SYNDIG1L: variants seen among roughly 807,000 people sequenced by gnomAD.
The protein encoded by SYNDIG1L is synapse differentiation inducing 1 like.
In SYNDIG1L, 13 loss-of-function variants were observed where a neutral mutation model predicts 20.1. The observed-to-expected ratio is 0.65, with a 90% CI of 0.42 to 1.03. The LOEUF (loss-of-function observed/expected upper bound fraction) is 1.03. Among genes scored for constraint, SYNDIG1L ranks in the 50% least tolerant of loss-of-function variants. SYNDIG1L has a pLI of 0.00. For missense variants in SYNDIG1L, 294 were observed against 305.1 expected, an observed-to-expected ratio of 0.96 and a Z score of 0.27; for synonymous variants, 128 against 129.3, an observed-to-expected ratio of 0.99 and a Z score of 0.07.
intron 1 of SYNDIG1L, among the ~76,000 whole-genome samples, chr14:74,423,568 C>T (rs1345710108): frequency 2.0e-5 from 3 of 152,138 alleles, no homozygotes; most frequent in African/African-American, 7.2e-5. Flanking sequence ...TCGGCGAGGT[C>T]ACTGGCATGG....
At chr14:74,457,270 G>T in the SYNDIG1L span, among the ~76,000 whole-genome samples, 1 of 151,936 alleles carries the variant, frequency 6.6e-6, no homozygotes, top group African/African-American at 2.4e-5. Context: ...TTGCTCCCAG[G>T]CCTCCTTTCC....
chr14:74,423,167 G>A (rs730384), intron 1 of SYNDIG1L, among the ~76,000 whole-genome samples: 59,421 of 151,936 alleles, frequency 0.39, 11,951 homozygotes, highest in Non-Finnish European at 0.44. Flanking sequence ...GGGAACAAGA[G>A]GGGAACACAG....
the SYNDIG1L span, among the ~76,000 whole-genome samples, chr14:74,434,048 A>G: frequency 2.6e-5 from 4 of 152,216 alleles, no homozygotes; most frequent in African/African-American, 9.7e-5. Flanking sequence ...AGGTTACAAA[A>G]TTGCACATAT....
rs2086112804 is a variant in SYNDIG1L, at chr14:74,409,495, C to T, written c.250G>A (p.Ala84Thr). 2.5e-6 allele frequency: 4 copies of T among 1,611,868 alleles called. No homozygotes were observed. The highest frequency in any genetic ancestry group is 3.4e-6 in the Non-Finnish European group (4 of 1,179,014). The change falls in exon 2 of 4, where the codon GCA (alanine) becomes ACA (threonine). Residue 84 changes from alanine (A) to threonine (T), a missense_variant. Coordinates refer to ENST00000331628, the MANE Select transcript of SYNDIG1L (RefSeq NM_001105579.2). ...GTGAAGCTTGTCTCACAGCTGCCTG[C>T]CCTGGGCTCCTTGACCTTGTCTCTC... Reference protein sequence around the residue: ...LGRDKVKEPRAGSCETSFTED... With the variant: ...LGRDKVKEPRTGSCETSFTED...
At chr14:74,412,588 G>A (rs575556405) in intron 1 of SYNDIG1L, among the ~76,000 whole-genome samples, 39 of 152,266 alleles carry the variant, frequency 2.6e-4, no homozygotes, top group African/African-American at 8.9e-4. Context: ...TTTGAGGGTC[G>A]GGGGTAGGTG....
chr14:74,480,121 G>A, the SYNDIG1L span: 145 of 1,563,834 alleles, frequency 9.3e-5, 1 homozygote, highest in South Asian at 5.5e-4. Flanking sequence ...CCAGCCACCC[G>A]GAGCTCAGTT....
the SYNDIG1L span, among the ~76,000 whole-genome samples, chr14:74,464,894 G>A: frequency 6.6e-6 from 1 of 152,178 alleles, no homozygotes; most frequent in Non-Finnish European, 1.5e-5. Context: ...TTCTTACCCA[G>A]AATGCCCATG....
chr14:74,428,515 G>A (rs574740325), upstream of SYNDIG1L, among the ~76,000 whole-genome samples: 30 of 152,186 alleles, frequency 2.0e-4, no homozygotes, highest in Non-Finnish European at 4.3e-4. Context: ...TGCAATGAAG[G>A]GGATGCGGTC....
intron 1 of SYNDIG1L, among the ~76,000 whole-genome samples, chr14:74,410,706 G>C (rs1318626230): frequency 6.6e-6 from 1 of 152,128 alleles, no homozygotes; most frequent in African/African-American, 2.4e-5. Context: ...TCATTCTAGG[G>C]TCGAATGGGA....
At chr14:74,438,553 T>G in the SYNDIG1L span, among the ~76,000 whole-genome samples, 1 of 152,148 alleles carries the variant, frequency 6.6e-6, no homozygotes, top group East Asian at 1.9e-4. Flanking sequence ...TGCTAATAAT[T>G]ATTGAGGAAT....
At chr14:74,471,556 C>T in the SYNDIG1L span, among the ~76,000 whole-genome samples, 1 of 152,040 alleles carries the variant, frequency 6.6e-6, no homozygotes, top group Non-Finnish European at 1.5e-5. Context: ...TGTGTTCACA[C>T]CACTGCACTG....
chr14:74,423,762 TCCC>T (rs2086243243), intron 1 of SYNDIG1L, among the ~76,000 whole-genome samples: 1 of 151,982 alleles, frequency 6.6e-6, no homozygotes, highest in African/African-American at 2.4e-5. Flanking sequence ...TTCCTGCTTG[TCCC>T]CTCCTCTGGT....
upstream of SYNDIG1L, among the ~76,000 whole-genome samples, chr14:74,430,301 C>CTGGA (rs1216641187): frequency 6.6e-6 from 1 of 152,168 alleles, no homozygotes; most frequent in African/African-American, 2.4e-5. Flanking sequence ...TCCCACTTTG[C>CTGGA]TGGAGCAAGG....
At chr14:74,440,107 C>T in the SYNDIG1L span, among the ~76,000 whole-genome samples, 1 of 151,958 alleles carries the variant, frequency 6.6e-6, no homozygotes, top group Admixed American at 6.5e-5. Flanking sequence ...GGGCTGGGCG[C>T]GGTGGCTCAC....
At chr14:74,463,403 T>G in the SYNDIG1L span, among the ~76,000 whole-genome samples, 4 of 152,160 alleles carry the variant, frequency 2.6e-5, no homozygotes, top group African/African-American at 4.8e-5. Context: ...CTATGGTGGA[T>G]GAGGCTGGGA....
the SYNDIG1L span, among the ~76,000 whole-genome samples, chr14:74,464,272 A>G: frequency 2.6e-5 from 4 of 152,162 alleles, no homozygotes; most frequent in South Asian, 2.1e-4. Flanking sequence ...TCCTTCAGGA[A>G]GCCCTCCCTG....
chr14:74,430,523 C>G (rs1475607551), upstream of SYNDIG1L, among the ~76,000 whole-genome samples: 1 of 151,296 alleles, frequency 6.6e-6, no homozygotes, highest in African/African-American at 2.4e-5. Flanking sequence ...GCAACCTCCG[C>G]CTCCCAGGTT....
At chr14:74,444,493 G>A in the SYNDIG1L span, among the ~76,000 whole-genome samples, 1 of 151,852 alleles carries the variant, frequency 6.6e-6, no homozygotes, top group African/African-American at 2.4e-5. Flanking sequence ...GCTCATGCCT[G>A]TAATCCCAGC....
chr14:74,440,137 T>C, the SYNDIG1L span, among the ~76,000 whole-genome samples: 5 of 151,984 alleles, frequency 3.3e-5, no homozygotes. Context: ...CCCAGCACTT[T>C]GGGAGGCCGA....
Sources: allele counts gnomAD v4.1 joint callset (sites outside exome capture counted in the v4.1 genomes callset), GRCh38; gene constraint gnomAD v4.1.1; transcripts MANE v1.5; gene names NCBI Gene and HGNC (gene_info 2026-07-23, HGNC 2026-07-21).